Variants in SBF2 observed in about 807,000 individuals in gnomAD.
SBF2 encodes the protein myotubularin-related protein 13.
Under a neutral mutation model 225.2 loss-of-function variants are expected in SBF2, and 112 were observed. That is an observed-to-expected ratio of 0.50 (90% CI 0.43 to 0.58). SBF2 has a LOEUF of 0.58. Among genes scored for constraint, SBF2 ranks in the 20% least tolerant of loss-of-function variants. SBF2 has a pLI of 0.00. For missense variants in SBF2, 1,996 were observed against 2,206.2 expected, an observed-to-expected ratio of 0.90 and a Z score of 1.91; for synonymous variants, 763 against 773.3, an observed-to-expected ratio of 0.99 and a Z score of 0.22.
chr11:10,052,682 G>T (rs939565002), intron 2 of SBF2, among the ~76,000 whole-genome samples: 1 of 152,144 alleles, frequency 6.6e-6, no homozygotes, highest in South Asian at 2.1e-4. Context: ...TAAAAGGTAC[G>T]TGCTAATATA....
intron 1 of SBF2, among the ~76,000 whole-genome samples, chr11:10,281,147 T>C (rs1963381328): frequency 6.6e-6 from 1 of 152,120 alleles, no homozygotes; most frequent in Non-Finnish European, 1.5e-5. Context: ...AATAAATAAA[T>C]AATTTAAAAA....
intron 2 of SBF2, among the ~76,000 whole-genome samples, chr11:10,073,397 A>G (rs1950969508): frequency 6.6e-6 from 1 of 152,214 alleles, no homozygotes; most frequent in Admixed American, 6.5e-5. Context: ...GAAGAAAATC[A>G]AAGAAGAAAC....
At chr11:10,023,346 C>T (rs1277448306) in intron 6 of SBF2, among the ~76,000 whole-genome samples, 1 of 152,196 alleles carries the variant, frequency 6.6e-6, no homozygotes, top group Non-Finnish European at 1.5e-5. Flanking sequence ...CTCCTGAGTT[C>T]TTTTAACAAG....
At chr11:10,126,901 G>C (rs1026402835) in intron 2 of SBF2, among the ~76,000 whole-genome samples, 1 of 152,028 alleles carries the variant, frequency 6.6e-6, no homozygotes, top group Admixed American at 6.5e-5. Context: ...GATGACCCTT[G>C]AAGTCATTAC....
chr11:10,254,385 GA>G (rs560534059), intron 1 of SBF2, among the ~76,000 whole-genome samples: 1,263 of 82,158 alleles, frequency 0.015, 4 homozygotes, highest in South Asian at 0.02. Context: ...TGTCTCAAAA[GA>G]AAAAAAAAAA....
chr11:10,142,715 A>C (rs923456266), intron 2 of SBF2, among the ~76,000 whole-genome samples: 1 of 152,246 alleles, frequency 6.6e-6, no homozygotes, highest in Admixed American at 6.5e-5. Flanking sequence ...TGATATGTGA[A>C]TATCATAAAT....
rs748047326 is a variant in SBF2, at chr11:9,808,202, ATGGAT to A, written c.4258-22_4258-18del. ...GGATGTCACCTAGGGCATAAGCAGG[ATGGAT>A]TGTCATTAATTTTAGTTCTGAAAAA... On this transcript the variant is annotated intron_variant, in intron 31 of 39. Coordinates refer to ENST00000256190, the MANE Select transcript of SBF2 (RefSeq NM_030962.4). 2 of 1,609,102 alleles carry A rather than the reference ATGGAT, an allele frequency of 1.2e-6. No homozygotes were observed. The highest frequency in any genetic ancestry group is 2.7e-5 in the African/African-American group (2 of 74,980).
chr11:9,952,047 A>G (rs976914534), intron 16 of SBF2, among the ~76,000 whole-genome samples: 7 of 152,188 alleles, frequency 4.6e-5, no homozygotes, highest in African/African-American at 1.7e-4. Flanking sequence ...GGCTGGTCAC[A>G]TTTCTCAGAG....
chr11:9,840,265 A>C (rs996095006), intron 25 of SBF2, among the ~76,000 whole-genome samples: 3 of 152,000 alleles, frequency 2.0e-5, no homozygotes, highest in African/African-American at 7.2e-5. Context: ...AAAAAAAAAA[A>C]AACAAACCCG....
intron 16 of SBF2, chr11:9,915,788 C>G (rs1316081030): frequency 1.3e-5 from 2 of 151,982 alleles, no homozygotes; most frequent in African/African-American, 4.8e-5. Flanking sequence ...ATAGGCTGGG[C>G]ACGGTGGCTC....
At chr11:9,898,652 C>T (rs188391276) in intron 16 of SBF2, among the ~76,000 whole-genome samples, 10 of 152,158 alleles carry the variant, frequency 6.6e-5, no homozygotes, top group Admixed American at 1.3e-4. Context: ...GCCTGGGCAA[C>T]GGAGTGAGAC....
intron 17 of SBF2, among the ~76,000 whole-genome samples, chr11:9,888,708 T>TAA (rs977262113): frequency 6.6e-6 from 1 of 151,068 alleles, no homozygotes; most frequent in African/African-American, 2.4e-5. Context: ...GCAAAAAGAT[T>TAA]AAAAAAAAAG....
In SBF2 at chr11:10,103,146, T is replaced by C. The variant is rs1269633792; in HGVS notation, c.142-60165A>G. The stretch of plus-strand genomic sequence containing the variant: ...TAAACGTTTTTCTTTTTAAAAATTT[T>C]TGAGTTATCATTTTGGCCAAATGAA... On this transcript the variant is annotated intron_variant, in intron 2 of 39. Transcript: ENST00000256190. Among the ~76,000 whole-genome samples, 2 of 152,194 alleles carry C rather than the reference T, an allele frequency of 1.3e-5. 1 individual carries two copies. Among genetic ancestry groups the C allele is most frequent in the Non-Finnish European group, 2.9e-5 (2 of 68,034 alleles).
At chr11:9,953,968 T>TTTTATTTGTATTTTTG (rs1738747536) in intron 16 of SBF2, among the ~76,000 whole-genome samples, 2 of 152,186 alleles carry the variant, frequency 1.3e-5, no homozygotes, top group Admixed American at 1.3e-4. Context: ...ATAAAAAGCT[T>TTTTATTTGTATTTTTG]TAATTGTATA....
chr11:9,869,032 G>C (rs1253889889), intron 17 of SBF2, among the ~76,000 whole-genome samples: 1 of 152,156 alleles, frequency 6.6e-6, no homozygotes, highest in Non-Finnish European at 1.5e-5. Context: ...AGAGTACTTC[G>C]ATCAAGAGAA....
intron 2 of SBF2, among the ~76,000 whole-genome samples, chr11:10,186,187 A>T (rs1160135642): frequency 6.6e-6 from 1 of 152,336 alleles, no homozygotes; most frequent in African/African-American, 2.4e-5. Context: ...AGATATACAG[A>T]GTGAGGTATG....
chr11:10,172,114 T>C (rs1390265752), intron 2 of SBF2, among the ~76,000 whole-genome samples: 3 of 152,134 alleles, frequency 2.0e-5, no homozygotes, highest in Non-Finnish European at 2.9e-5. Flanking sequence ...TTTTGTATTG[T>C]TTTCTTAATT....
intron 13 of SBF2, among the ~76,000 whole-genome samples, chr11:9,968,961 C>G (rs1233944950): frequency 6.6e-6 from 1 of 152,094 alleles, no homozygotes; most frequent in East Asian, 1.9e-4. Context: ...TTTCTTTAAA[C>G]AAGTTTTCTC....
chr11:9,808,633 C>T, intron 31 of SBF2: 1 of 430,400 alleles, frequency 2.3e-6, no homozygotes, highest in South Asian at 2.2e-5. Flanking sequence ...CCACGCCTCA[C>T]ACTGCTGGTC....
Sources: gnomAD v4.1 joint callset for allele counts (sites outside exome capture counted in the v4.1 genomes callset) on GRCh38, gnomAD v4.1.1 for gene constraint, MANE v1.5 for transcripts, NCBI Gene and HGNC (gene_info 2026-07-23, HGNC 2026-07-21) for gene names.